The following CENPP variants were observed in gnomAD, a reference collection of about 807,000 sequenced individuals.
The protein encoded by CENPP is centromere protein P.
In CENPP, 24 loss-of-function variants were observed where a neutral mutation model predicts 35.6. That is an observed-to-expected ratio of 0.67 (90% CI 0.49 to 0.95). The LOEUF (loss-of-function observed/expected upper bound fraction) is 0.95. Ranked by LOEUF, CENPP falls within the 40% of genes least tolerant of loss-of-function variation. The pLI is 0.00. For synonymous variants in CENPP, 120 were observed against 125.5 expected, an observed-to-expected ratio of 0.96 and a Z score of 0.29; for missense variants, 332 against 345.3, an observed-to-expected ratio of 0.96 and a Z score of 0.31.
At chr9:92,432,455 G>A (rs774932146) in intron 5 of CENPP, among the ~76,000 whole-genome samples, 1 of 152,060 alleles carries the variant, frequency 6.6e-6, no homozygotes, top group African/African-American at 2.4e-5. Context: ...TTATTGTTCG[G>A]TCTTTCTCCC....
At position 92,618,457 on chromosome 9, in the gene CENPP, C is replaced by T. The variant is rs147005093; in HGVS notation, c.*5308C>T. The T allele has an allele frequency of 2.3e-3, 1,050 of 456,712 alleles. 9 individuals are homozygous for T. Among genetic ancestry groups the T allele is most frequent in the African/African-American group, 0.018 (919 of 50,192 alleles). 28.3% of individuals were successfully genotyped at this position (456,712 alleles called of 1,614,324 possible). A position where few individuals can be genotyped will look rare whatever the true frequency, so the allele number is the denominator to read the frequency against. ...GGTGAGTAACATGTCTGTCCTTCAG[C>T]GGCCTTTCACAGCCCACCTAAGGGC... On this transcript the variant is annotated 3_prime_UTR_variant, in exon 8 of 8. Coordinates refer to ENST00000375587, the MANE Select transcript of CENPP (RefSeq NM_001012267.3).
At chr9:92,439,590 G>A (rs1274869932) in intron 5 of CENPP, among the ~76,000 whole-genome samples, 4 of 152,118 alleles carry the variant, frequency 2.6e-5, no homozygotes, top group Admixed American at 1.3e-4. Flanking sequence ...AAATGAAGAG[G>A]TTTCAATGAG....
chr9:92,581,192 T>C (rs567283506), intron 5 of CENPP, among the ~76,000 whole-genome samples: 5 of 152,146 alleles, frequency 3.3e-5, no homozygotes, highest in Admixed American at 2.6e-4. Context: ...TACATAAATA[T>C]CAAGATACTT....
intron 1 of CENPP, among the ~76,000 whole-genome samples, chr9:92,330,685 TTTG>T (rs1337832341): frequency 2.1e-3 from 237 of 114,942 alleles, no homozygotes; most frequent in African/African-American, 0.011. Context: ...TTTTCTTTTC[TTTG>T]TTTTTTTTTT....
chr9:92,388,474 A>G (rs1457537640), intron 5 of CENPP, among the ~76,000 whole-genome samples: 2 of 151,990 alleles, frequency 1.3e-5, no homozygotes, highest in African/African-American at 2.4e-5. Context: ...ATCAACTTTT[A>G]TAGGTCTTTA....
At chr9:92,326,210 A>G (rs1840492386) in intron 1 of CENPP, 105 bp downstream of exon 1, 1 of 746,300 alleles carries the variant, frequency 1.3e-6, no homozygotes. Flanking sequence ...AGCCCTAGAA[A>G]GTGGGCATGA....
chr9:92,449,355 G>A lies in CENPP; in HGVS notation c.564+69496G>A, dbSNP rs563995342. ...ACTCAGGAGGCTGAGGCAGAATGGC[G>A]TGAACCCAGGAGGCAGAGCTTGCAG... On this transcript the variant is annotated intron_variant, in intron 5 of 7. Transcript: ENST00000375587. 1.8e-3 allele frequency among the ~76,000 whole-genome samples: 264 copies of A among 144,998 alleles called. 7 individuals carry two copies. In the South Asian group the frequency reaches 0.052, roughly 29 times the overall value.
At chr9:92,547,261 A>G (rs1849487854) in intron 5 of CENPP, among the ~76,000 whole-genome samples, 1 of 152,252 alleles carries the variant, frequency 6.6e-6, no homozygotes, top group South Asian at 2.1e-4. Flanking sequence ...TTAGTCTGAC[A>G]GATTATCTAC....
chr9:92,610,936 G>A (rs938759696), intron 5 of CENPP: 8 of 247,910 alleles, frequency 3.2e-5, no homozygotes, highest in African/African-American at 6.9e-5. Context: ...AGAGCCTGAC[G>A]CATCCGCTTG....
intron 5 of CENPP, among the ~76,000 whole-genome samples, chr9:92,576,089 T>C (rs1044421927): frequency 1.3e-5 from 2 of 152,182 alleles, no homozygotes; most frequent in Admixed American, 6.5e-5. Flanking sequence ...AGCTATAACA[T>C]TGGAAGCAAT....
chr9:92,510,127 C>A (rs1847247469), intron 5 of CENPP: 1 of 1,411,312 alleles, frequency 7.1e-7, no homozygotes, highest in Admixed American at 2.4e-5. Context: ...TCTCACAAAC[C>A]TATCCTTCCT....
At chr9:92,587,946 C>A (rs147445022) in intron 5 of CENPP, among the ~76,000 whole-genome samples, 4 of 151,856 alleles carry the variant, frequency 2.6e-5, no homozygotes, top group African/African-American at 9.7e-5. Flanking sequence ...GCCAACATGG[C>A]GAAACCCGTC....
chr9:92,454,186 G>A (rs1844802771), intron 5 of CENPP, among the ~76,000 whole-genome samples: 1 of 152,122 alleles, frequency 6.6e-6, no homozygotes, highest in Non-Finnish European at 1.5e-5. Context: ...ATTTTTATTA[G>A]TGATTTGTTT....
intron 5 of CENPP, among the ~76,000 whole-genome samples, chr9:92,498,278 G>A (rs1188973649): frequency 6.6e-6 from 1 of 152,092 alleles, no homozygotes; most frequent in Non-Finnish European, 1.5e-5. Context: ...CTATGGGAAG[G>A]ATCATATAGT....
intron 5 of CENPP, among the ~76,000 whole-genome samples, chr9:92,491,611 A>G (rs1252926769): frequency 1.3e-5 from 2 of 152,136 alleles, no homozygotes; most frequent in East Asian, 3.9e-4. Context: ...CCCCAAGTTC[A>G]GCATTCTCTC....
chr9:92,329,514 T>TC (rs1840673961), intron 1 of CENPP, among the ~76,000 whole-genome samples: 1 of 152,114 alleles, frequency 6.6e-6, no homozygotes, highest in Non-Finnish European at 1.5e-5. Context: ...TTGTCTCTGT[T>TC]CTTTTTTCTT....
At chr9:92,522,840 AAAAC>A (rs752018109) in intron 5 of CENPP, 185 of 1,606,556 alleles carry the variant, frequency 1.2e-4, no homozygotes, top group Middle Eastern at 1.7e-4. Context: ...TAAGCAGAAA[AAAAC>A]AAAACAAAAC....
chr9:92,415,337 A>G, intron 5 of CENPP: 1 of 1,613,634 alleles, frequency 6.2e-7, no homozygotes, highest in Non-Finnish European at 8.5e-7. Flanking sequence ...TCACCATAAT[A>G]AATAGTGTGT....
chr9:92,416,711 A>T (rs1162659672), intron 5 of CENPP: 1 of 1,613,274 alleles, frequency 6.2e-7, no homozygotes, highest in Non-Finnish European at 8.5e-7. Context: ...ACTGAGTTCT[A>T]CAATGTTGGG....
Sources: allele counts gnomAD v4.1 joint callset (sites outside exome capture counted in the v4.1 genomes callset), GRCh38; gene constraint gnomAD v4.1.1; transcripts MANE v1.5; gene names NCBI Gene and HGNC (gene_info 2026-07-23, HGNC 2026-07-21).